NCEH1: variants seen among roughly 807,000 people sequenced by gnomAD.
NCEH1 encodes 2-acetyl MAGE hydrolase.
NCEH1 carries 9 observed loss-of-function variants against 25.4 expected under a neutral mutation model. That is an observed-to-expected ratio of 0.35 (90% CI 0.21 to 0.62). The LOEUF is 0.62. Ranked by LOEUF, NCEH1 falls within the 20% of genes least tolerant of loss-of-function variation. The pLI, the probability that NCEH1 is intolerant of heterozygous loss-of-function variation, is 0.72. For missense variants in NCEH1, 412 were observed against 501.1 expected (o/e 0.82, Z 1.70); for synonymous variants, 200 against 199.8 (o/e 1.00, Z -0.01).
At chr3:172,693,055 C>T (rs1371371784) in intron 1 of NCEH1, among the ~76,000 whole-genome samples, 3 of 152,216 alleles carry the variant, frequency 2.0e-5, no homozygotes, top group Admixed American at 2.0e-4. Flanking sequence ...CTTCCTCCAA[C>T]CTGGCTCCCG....
At chr3:172,694,836 TATTCTTC>T (rs894567923) in intron 1 of NCEH1, among the ~76,000 whole-genome samples, 10 of 152,238 alleles carry the variant, frequency 6.6e-5, no homozygotes, top group African/African-American at 2.4e-4. Context: ...GCTCTAACAC[TATTCTTC>T]ATTCAGGGGA....
At chr3:172,642,822 A>G (rs1716921953) in intron 3 of NCEH1, among the ~76,000 whole-genome samples, 1 of 152,212 alleles carries the variant, frequency 6.6e-6, no homozygotes, top group South Asian at 2.1e-4. Flanking sequence ...CCAACTCAGC[A>G]TGCATTTACC....
chr3:172,662,779 G>T (rs1454675838), intron 1 of NCEH1, among the ~76,000 whole-genome samples: 1 of 152,126 alleles, frequency 6.6e-6, no homozygotes, highest in Non-Finnish European at 1.5e-5. Flanking sequence ...TTCTCTGATG[G>T]TAGTTTGTAT....
At chr3:172,644,585 T>C (rs1428236914) in intron 3 of NCEH1, among the ~76,000 whole-genome samples, 1 of 152,242 alleles carries the variant, frequency 6.6e-6, no homozygotes, top group Non-Finnish European at 1.5e-5. Flanking sequence ...TGCGATGAGC[T>C]AGCTATCTGG....
intron 2 of NCEH1, among the ~76,000 whole-genome samples, chr3:172,646,591 A>T (rs996968282): frequency 2.0e-5 from 3 of 152,192 alleles, no homozygotes; most frequent in Non-Finnish European, 4.4e-5. Context: ...TATTGTGCCA[A>T]CTGAGAGCCA....
At chr3:172,686,634 A>G (rs1712712020) in intron 1 of NCEH1, among the ~76,000 whole-genome samples, 1 of 152,234 alleles carries the variant, frequency 6.6e-6, no homozygotes, top group Admixed American at 6.5e-5. Flanking sequence ...ATAAGCCCAG[A>G]GTATCCTGAA....
intron 1 of NCEH1, chr3:172,702,979 A>G (rs551115420): frequency 4.6e-5 from 7 of 152,326 alleles, no homozygotes; most frequent in African/African-American, 1.7e-4. Flanking sequence ...GTGACAGAGC[A>G]AGACCTTGTC....
chr3:172,691,538 A>G (rs1474815760), intron 1 of NCEH1, among the ~76,000 whole-genome samples: 9 of 152,298 alleles, frequency 5.9e-5, no homozygotes, highest in African/African-American at 1.4e-4. Context: ...ACAGTGGGGA[A>G]GTCCACAGAC....
intron 1 of NCEH1, among the ~76,000 whole-genome samples, chr3:172,660,660 T>C (rs556872196): frequency 7.2e-5 from 11 of 152,320 alleles, no homozygotes; most frequent in South Asian, 4.1e-4. Flanking sequence ...TTTGTGATGA[T>C]TGCCATTCTA....
chr3:172,710,467 T>C (rs1418409045), intron 1 of NCEH1, among the ~76,000 whole-genome samples: 2 of 145,676 alleles, frequency 1.4e-5, no homozygotes, highest in Non-Finnish European at 3.1e-5. Flanking sequence ...AAAATATTTA[T>C]CCTCTGCCGG....
chr3:172,684,920 C>T (rs1395390212), intron 1 of NCEH1, among the ~76,000 whole-genome samples: 1 of 150,790 alleles, frequency 6.6e-6, no homozygotes, highest in African/African-American at 2.5e-5. Flanking sequence ...GGTGAGGTTG[C>T]AGTGAGCCGA....
At chr3:172,653,656 G>T (rs1209766975) in intron 1 of NCEH1, among the ~76,000 whole-genome samples, 1 of 152,020 alleles carries the variant, frequency 6.6e-6, no homozygotes, top group Non-Finnish European at 1.5e-5. Context: ...CCCATCATAG[G>T]TATGGCTAAC....
At chr3:172,656,909 A>C (rs1012547131) in intron 1 of NCEH1, among the ~76,000 whole-genome samples, 2 of 152,152 alleles carry the variant, frequency 1.3e-5, no homozygotes, top group African/African-American at 4.8e-5. Context: ...GATGCCAATG[A>C]CCCACTTGGC....
intron 2 of NCEH1, 94 bp downstream of exon 2, chr3:172,647,792 C>A: frequency 6.6e-7 from 1 of 1,519,942 alleles, no homozygotes. Context: ...GATAAATGGT[C>A]CCCTTCTTTC....
At position 172,633,262 on chromosome 3, in the gene NCEH1, T is replaced by G; in HGVS notation, c.*213A>C. 1.8e-6 allele frequency: 1 copy of G among 562,160 alleles called. No individual in the cohort carries two copies. Among genetic ancestry groups the G allele is most frequent in the African/African-American group, 1.9e-5 (1 of 53,216 alleles). 34.8% of individuals were successfully genotyped at this position (562,160 alleles called of 1,614,324 possible). The stretch of plus-strand genomic sequence containing the variant: ...CAAGAACAGAGAGATTGGCCCACTC[T>G]GGGAACCAAATTTACATGTTTTGCA... On this transcript the variant is annotated 3_prime_UTR_variant, in exon 5 of 5. Coordinates refer to ENST00000475381, the MANE Select transcript of NCEH1 (RefSeq NM_020792.6).
rs1322185111 is a variant in NCEH1, at chr3:172,636,005, C to T, written c.520G>A (p.Val174Ile). ...GGATCAACCATATACTTCTGTAAGA[C>T]TTCTGGCTTCAGGAAATACTTTGTG... ...RATKYFLKPE[V>I]LQKYMVDPGR... Residue 174 changes from valine (V) to isoleucine (I), a missense_variant, in exon 4 of 5, where the codon GTC becomes ATC. This residue lies in a region of NCEH1 where 24 missense variants were observed against 53.8 expected (regional missense o/e 0.45). Coordinates refer to ENST00000475381, the MANE Select transcript of NCEH1 (RefSeq NM_020792.6). 2 of 1,614,076 alleles carry T rather than the reference C, an allele frequency of 1.2e-6. No individual in the cohort carries two copies. The highest frequency in any genetic ancestry group is 2.7e-5 in the African/African-American group (2 of 74,934).
rs548898609 is a variant in NCEH1 at position 172,711,027 on chromosome 3, G to A, written c.-43C>T. The A allele has an allele frequency of 1.3e-5, 21 of 1,613,360 alleles. No homozygotes were observed. The East Asian group carries it at 3.8e-4, about 29-fold the overall frequency. On this transcript the variant is annotated 5_prime_UTR_variant, in exon 1 of 5. Transcript: ENST00000475381. Reference sequence around the variant, plus strand: ...CGCCAGCGGGCTGGCAAAGAGGAAAGGGCGATACCACCCGGAGACCTCCGG... The same window carrying A: ...CGCCAGCGGGCTGGCAAAGAGGAAAAGGCGATACCACCCGGAGACCTCCGG...
chr3:172,664,466 T>C (rs1170016617), intron 1 of NCEH1, among the ~76,000 whole-genome samples: 4 of 152,202 alleles, frequency 2.6e-5, no homozygotes, highest in Non-Finnish European at 5.9e-5. Flanking sequence ...AGGAGTATCT[T>C]TGTGGCATTC....
At chr3:172,686,266 T>C (rs1343700987) in intron 1 of NCEH1, among the ~76,000 whole-genome samples, 1 of 152,138 alleles carries the variant, frequency 6.6e-6, no homozygotes, top group Non-Finnish European at 1.5e-5. Flanking sequence ...GGGCCAGGGC[T>C]CCAACCCAGC....
Sources: gnomAD v4.1 joint callset for allele counts (sites outside exome capture counted in the v4.1 genomes callset) on GRCh38, gnomAD v4.1.1 for gene constraint, gnomAD v4.1.1 regional missense constraint, MANE v1.5 for transcripts, NCBI Gene and HGNC (gene_info 2026-07-23, HGNC 2026-07-21) for gene names.